The following TMEM132B variants were observed in gnomAD, a reference collection of about 807,000 sequenced individuals.
TMEM132B encodes transmembrane protein 132B.
TMEM132B carries 18 observed loss-of-function variants against 90.8 expected under a neutral mutation model. The ratio of observed to expected loss-of-function variants is 0.20; its 90% CI spans 0.14 to 0.29. TMEM132B has a LOEUF of 0.29. Among genes scored for constraint, TMEM132B ranks in the 10% least tolerant of loss-of-function variants. The pLI is 1.00. For missense variants in TMEM132B, 1,096 were observed against 1,326.8 expected (o/e 0.83, Z 2.70); for synonymous variants, 504 against 523.3 (o/e 0.96, Z 0.50).
At chr12:125,555,720 A>AT (rs201142945) in intron 4 of TMEM132B, among the ~76,000 whole-genome samples, 2,151 of 149,826 alleles carry the variant, frequency 0.014, 17 homozygotes, top group Non-Finnish European at 0.024. Flanking sequence ...TAGTAAAAAA[A>AT]AATATATATA....
At chr12:125,646,608 C>T (rs911157480) in intron 6 of TMEM132B, among the ~76,000 whole-genome samples, 3 of 152,252 alleles carry the variant, frequency 2.0e-5, no homozygotes, top group African/African-American at 7.2e-5. Flanking sequence ...TGTGGGAATC[C>T]ACAGTGCCAG....
intron 4 of TMEM132B, among the ~76,000 whole-genome samples, chr12:125,520,133 TC>T (rs1433789777): frequency 9.2e-5 from 14 of 152,200 alleles, no homozygotes; most frequent in Non-Finnish European, 1.6e-4. Flanking sequence ...TGTCTGTGTT[TC>T]TGCTTCACTG....
chr12:125,246,468 G>C lies in TMEM132B; in HGVS notation c.67+59602G>C. 6.6e-6 allele frequency among the ~76,000 whole-genome samples: 1 copy of C among 152,136 alleles called. No individual in the cohort carries two copies. The highest frequency in any genetic ancestry group is 1.9e-4 in the East Asian group (1 of 5,194). ...TGTCCCCACTCAGATGCCTTGTTTC[G>C]AAACAGCGTGCCGGTGTTATGATTG... On this transcript the variant is annotated intron_variant, in intron 1 of 8. Coordinates refer to ENST00000682704, the MANE Select transcript of TMEM132B (RefSeq NM_001366854.1). This position sits in a 1 kb window ranked among gnomAD's most constrained non-coding sequence, Gnocchi z 4.2.
At chr12:125,367,109 T>G (rs1338096785) in intron 2 of TMEM132B, among the ~76,000 whole-genome samples, 1 of 152,196 alleles carries the variant, frequency 6.6e-6, no homozygotes, top group Non-Finnish European at 1.5e-5. Flanking sequence ...ACAGTTGTAA[T>G]TAGCAACTTT....
rs140243445 is a variant in TMEM132B at position 125,468,121 on chromosome 12, T to C, written c.1107-51318T>C. ...TATTCTTTCAGTTCTCTTGCATATG[T>C]ATCTAGGAGTACAATTGCTGGGTCA... On this transcript the variant is annotated intron_variant, in intron 3 of 8. Coordinates refer to ENST00000682704, the MANE Select transcript of TMEM132B (RefSeq NM_001366854.1). Among the ~76,000 whole-genome samples the C allele has an allele frequency of 3.9e-3, 599 of 152,080 alleles. 5 individuals carry two copies. The highest frequency in any genetic ancestry group is 0.013 in the African/African-American group (551 of 41,486).
chr12:125,316,860 C>A (rs1332653094), intron 1 of TMEM132B, among the ~76,000 whole-genome samples: 1 of 152,158 alleles, frequency 6.6e-6, no homozygotes, highest in Non-Finnish European at 1.5e-5. Context: ...CAAATGGGAG[C>A]CATGGGAGGT....
intron 2 of TMEM132B, among the ~76,000 whole-genome samples, chr12:125,385,343 C>T (rs913888347): frequency 2.6e-5 from 4 of 152,044 alleles, no homozygotes; most frequent in African/African-American, 9.7e-5. Context: ...GGTTGGGGGA[C>T]CTGTCTAGCA....
chr12:125,271,642 C>T (rs1251286606), intron 1 of TMEM132B, among the ~76,000 whole-genome samples: 1 of 152,156 alleles, frequency 6.6e-6, no homozygotes, highest in Non-Finnish European at 1.5e-5. Flanking sequence ...TTTTGAATTG[C>T]AAACCTACTA....
chr12:125,306,701 C>A (rs1875977828), intron 1 of TMEM132B, among the ~76,000 whole-genome samples: 1 of 152,208 alleles, frequency 6.6e-6, no homozygotes, highest in African/African-American at 2.4e-5. Context: ...ATTGCAGTGG[C>A]CTCCTCCTTT....
intron 2 of TMEM132B, among the ~76,000 whole-genome samples, chr12:125,367,313 G>T (rs1462506862): frequency 2.0e-5 from 3 of 152,122 alleles, no homozygotes; most frequent in South Asian, 2.1e-4. Context: ...AGTAAGTGTT[G>T]TTTCTTTTGT....
At chr12:125,343,839 T>A (rs531832858) in intron 1 of TMEM132B, among the ~76,000 whole-genome samples, 1 of 152,320 alleles carries the variant, frequency 6.6e-6, no homozygotes, top group Non-Finnish European at 1.5e-5. Context: ...AGTGGTGTGA[T>A]ATTTTAGGAC....
chr12:125,507,412 A>G (rs1430611722), intron 3 of TMEM132B, among the ~76,000 whole-genome samples: 1 of 152,212 alleles, frequency 6.6e-6, no homozygotes, highest in Non-Finnish European at 1.5e-5. Flanking sequence ...AGTATGTTTG[A>G]TGGTGCTGTT....
At chr12:125,283,454 C>T (rs544061980) in intron 1 of TMEM132B, among the ~76,000 whole-genome samples, 1 of 152,242 alleles carries the variant, frequency 6.6e-6, no homozygotes, top group African/African-American at 2.4e-5. Context: ...ACCCGACTCT[C>T]GCTGGCGGTC....
At chr12:125,355,712 A>T (rs1877744072) in intron 2 of TMEM132B, among the ~76,000 whole-genome samples, 1 of 152,158 alleles carries the variant, frequency 6.6e-6, no homozygotes, top group South Asian at 2.1e-4. Flanking sequence ...GATGTGACAC[A>T]TTTCATTCTG....
At chr12:125,268,968 G>A (rs1029953970) in intron 1 of TMEM132B, among the ~76,000 whole-genome samples, 11 of 152,296 alleles carry the variant, frequency 7.2e-5, no homozygotes, top group Non-Finnish European at 1.0e-4. Flanking sequence ...CTTAGAGGCT[G>A]TTCAGAAGAA....
chr12:125,572,178 A>G (rs1324993538), intron 4 of TMEM132B, among the ~76,000 whole-genome samples: 1 of 152,196 alleles, frequency 6.6e-6, no homozygotes, highest in Non-Finnish European at 1.5e-5. Context: ...TATTTATCCC[A>G]TTGCTAGTGA....
At chr12:125,312,852 G>A (rs1251591346) in intron 1 of TMEM132B, among the ~76,000 whole-genome samples, 1 of 152,166 alleles carries the variant, frequency 6.6e-6, no homozygotes, top group African/African-American at 2.4e-5. Flanking sequence ...GACACAGGAT[G>A]GGGATGAGGG....
intron 3 of TMEM132B, among the ~76,000 whole-genome samples, chr12:125,515,648 A>G (rs61724204): frequency 0.14 from 20,333 of 149,162 alleles, 1,717 homozygotes; most frequent in East Asian, 0.47. Flanking sequence ...TGACACATTC[A>G]CACCCCCTTC....
intron 5 of TMEM132B, chr12:125,585,033 T>G (rs1184407826): frequency 1.3e-5 from 2 of 152,252 alleles, no homozygotes; most frequent in Non-Finnish European, 2.9e-5. Context: ...GGAAAACCTT[T>G]AGGGGTTTCC....
Sources: allele counts gnomAD v4.1 joint callset (sites outside exome capture counted in the v4.1 genomes callset), GRCh38; gene constraint gnomAD v4.1.1; non-coding constraint Gnocchi (gnomAD v3.1); transcripts MANE v1.5; gene names NCBI Gene and HGNC (gene_info 2026-07-23, HGNC 2026-07-21).